TMCO4: variants seen among roughly 807,000 people sequenced by gnomAD.
TMCO4 encodes the protein transmembrane and coiled-coil domains 4, also known as transmembrane and coiled-coil domain-containing protein 4.
TMCO4 carries 58 observed loss-of-function variants against 64.7 expected under a neutral mutation model. The observed-to-expected ratio is 0.90, with a 90% CI of 0.73 to 1.12. The LOEUF is 1.12. TMCO4 is among the 50% of genes most tolerant of loss of function. The probability of loss-of-function intolerance (pLI) is 0.00; values close to 1 mark genes in which losing one functional copy is unlikely to be tolerated. For synonymous variants in TMCO4, 325 were observed against 346.1 expected, an observed-to-expected ratio of 0.94 and a Z score of 0.68; for missense variants, 780 against 825.9, an observed-to-expected ratio of 0.94 and a Z score of 0.68.
intron 15 of TMCO4, among the ~76,000 whole-genome samples, chr1:19,690,266 G>A (rs1019238105): frequency 6.6e-6 from 1 of 152,232 alleles, no homozygotes; most frequent in Non-Finnish European, 1.5e-5. Flanking sequence ...TGTCATACTG[G>A]CCTTTTGCCC....
At chr1:19,694,149 G>T (rs935631924) in intron 15 of TMCO4, among the ~76,000 whole-genome samples, 1 of 152,056 alleles carries the variant, frequency 6.6e-6, no homozygotes, top group Admixed American at 6.6e-5. Flanking sequence ...CTACAGGCAC[G>T]CACAACCATG....
chr1:19,739,813 T>A lies in TMCO4; in HGVS notation c.1179+11A>T, dbSNP rs576885219. ...GCTCAATGCCACGCCCACACAGCCA[T>A]TCCCAGGTACCTGCTGCCGGGAGAG... On this transcript the variant is annotated intron_variant, in intron 12 of 15. Coordinates refer to ENST00000294543, the MANE Select transcript of TMCO4 (RefSeq NM_181719.7). 17 of 1,611,630 alleles carry A rather than the reference T, an allele frequency of 1.1e-5. No homozygotes were observed. The South Asian group carries it at 1.7e-4, about 16-fold the overall frequency.
intron 10 of TMCO4, among the ~76,000 whole-genome samples, chr1:19,744,931 A>G (rs1322812380): frequency 6.6e-6 from 1 of 152,172 alleles, no homozygotes; most frequent in Non-Finnish European, 1.5e-5. Flanking sequence ...GACCTGGTTC[A>G]GTATATGACA....
At chr1:19,791,340 A>G (rs1005300479) in intron 2 of TMCO4, among the ~76,000 whole-genome samples, 1 of 152,054 alleles carries the variant, frequency 6.6e-6, no homozygotes, top group East Asian at 1.9e-4. Context: ...AAATTAAAAA[A>G]AAAAAGGAAA....
At chr1:19,798,728 GC>G (rs1571096606) in intron 1 of TMCO4, among the ~76,000 whole-genome samples, 1 of 152,184 alleles carries the variant, frequency 6.6e-6, no homozygotes, top group Non-Finnish European at 1.5e-5. Flanking sequence ...CCTGTGCCCA[GC>G]CCTCCCTCCC....
At position 19,732,638 on chromosome 1, in the gene TMCO4, C is replaced by G. The variant is rs988814665; in HGVS notation, c.1264+4734G>C. 2.0e-5 allele frequency among the ~76,000 whole-genome samples: 3 copies of G among 151,620 alleles called. No individual in the cohort carries two copies. The highest frequency in any genetic ancestry group is 2.9e-5 in the Non-Finnish European group (2 of 67,824). ...GGGCATGGTGGCTCATGCCTGTAAC[C>G]CCAGTGCTGTGGGAAGCTGAGGCAG... On this transcript the variant is annotated intron_variant, in intron 13 of 15. Coordinates refer to ENST00000294543, the MANE Select transcript of TMCO4 (RefSeq NM_181719.7). The surrounding 1 kb of genome is among the most constrained non-coding windows in gnomAD (Gnocchi z 4.8).
chr1:19,736,231 G>A (rs994783823), intron 13 of TMCO4, among the ~76,000 whole-genome samples: 24 of 152,200 alleles, frequency 1.6e-4, no homozygotes, highest in Admixed American at 4.6e-4. Context: ...AAGAGAACGC[G>A]TGCAGGGGAA....
intron 2 of TMCO4, among the ~76,000 whole-genome samples, chr1:19,790,493 G>A (rs899192603): frequency 6.6e-6 from 1 of 151,976 alleles, no homozygotes; most frequent in African/African-American, 2.4e-5. Flanking sequence ...TAAAAAGTGG[G>A]CAAAGTACAT....
At chr1:19,792,748 A>G (rs75748599) in intron 2 of TMCO4, among the ~76,000 whole-genome samples, 4,315 of 144,784 alleles carry the variant, frequency 0.03, 218 homozygotes, top group African/African-American at 0.1. Context: ...TGGAGCAGTC[A>G]GTGAAGGTCA....
At chr1:19,727,361 T>C (rs1229608647) in intron 13 of TMCO4, among the ~76,000 whole-genome samples, 3 of 152,168 alleles carry the variant, frequency 2.0e-5, no homozygotes, top group African/African-American at 4.8e-5. Context: ...AGGTGCTCCG[T>C]GGGATGACTG....
intron 6 of TMCO4, among the ~76,000 whole-genome samples, chr1:19,768,753 G>A (rs889793877): frequency 6.6e-6 from 1 of 152,096 alleles, no homozygotes; most frequent in East Asian, 1.9e-4. Flanking sequence ...TTAGAGCAGC[G>A]CTCCTCTAAG....
At position 19,746,617 on chromosome 1, in the gene TMCO4, G is replaced by C; in HGVS notation, c.614-18C>G. 1.3e-6 allele frequency: 2 copies of C among 1,593,568 alleles called. No individual in the cohort carries two copies. The highest frequency in any genetic ancestry group is 2.2e-5 in the South Asian group (2 of 89,330). On this transcript the variant is annotated intron_variant, in intron 8 of 15. Coordinates refer to ENST00000294543, the MANE Select transcript of TMCO4 (RefSeq NM_181719.7). ...AGTCACACCTGTGGGAAAAGCAGCA[G>C]TTTCAGGTGGGAGTAAAAATGTGGT...
intron 2 of TMCO4, among the ~76,000 whole-genome samples, chr1:19,797,036 G>C (rs753888828): frequency 5.3e-5 from 8 of 152,182 alleles, no homozygotes; most frequent in Admixed American, 2.6e-4. Flanking sequence ...TTCAATCCCT[G>C]TGTGCTGAAT....
intron 14 of TMCO4, among the ~76,000 whole-genome samples, chr1:19,697,059 A>AG (rs1323543959): frequency 6.6e-6 from 1 of 152,246 alleles, no homozygotes; most frequent in South Asian, 2.1e-4. Context: ...GCATTAACTG[A>AG]GGGGGGACAT....
rs141517316 is a variant in TMCO4 at position 19,780,583 on chromosome 1, T to C, written c.176A>G (p.His59Arg). The C allele has an allele frequency of 5.2e-4, 836 of 1,597,644 alleles. No homozygotes were observed. Among genetic ancestry groups the C allele is most frequent in the Non-Finnish European group, 6.6e-4 (778 of 1,172,732 alleles). ...SLSQLFPEPE[H>R]SSFCTEFMAG... ...ACTGCAAGACAGAAGAACTCACCTGTGTTCGGGTTCAGGAAATAACTGGGA... is the reference window on the plus strand; with the variant it reads ...ACTGCAAGACAGAAGAACTCACCTGCGTTCGGGTTCAGGAAATAACTGGGA... Residue 59 changes from histidine (H) to arginine (R), a missense_variant, in exon 4 of 16, where the codon CAC (histidine) becomes CGC (arginine). His to Arg is a conservative substitution (Grantham distance 29). Coordinates refer to ENST00000294543, the MANE Select transcript of TMCO4 (RefSeq NM_181719.7).
At chr1:19,753,930 G>A (rs1191939349) in intron 7 of TMCO4, among the ~76,000 whole-genome samples, 2 of 152,190 alleles carry the variant, frequency 1.3e-5, no homozygotes, top group East Asian at 1.9e-4. Flanking sequence ...AATTAGAACA[G>A]TATTGTTAAC....
intron 4 of TMCO4, among the ~76,000 whole-genome samples, chr1:19,772,441 G>A (rs2043028273): frequency 6.6e-6 from 1 of 152,178 alleles, no homozygotes; most frequent in Non-Finnish European, 1.5e-5. Flanking sequence ...CCCAGGGGAG[G>A]ATGGGATGGG....
intron 3 of TMCO4, 86 bp from the exon 4 acceptor site, chr1:19,780,852 AG>A: frequency 8.7e-7 from 1 of 1,146,480 alleles, no homozygotes; most frequent in African/African-American, 1.6e-5. Flanking sequence ...AAACCATAAA[AG>A]GTTGATAAAG....
At chr1:19,773,917 C>G (rs1557603981) in intron 4 of TMCO4, among the ~76,000 whole-genome samples, 1 of 152,134 alleles carries the variant, frequency 6.6e-6, no homozygotes, top group Non-Finnish European at 1.5e-5. Context: ...TGGGGGAGTC[C>G]TGGTTCCCCT....
Sources: allele counts gnomAD v4.1 joint callset (sites outside exome capture counted in the v4.1 genomes callset), GRCh38; gene constraint gnomAD v4.1.1; non-coding constraint Gnocchi (gnomAD v3.1); transcripts MANE v1.5; gene names NCBI Gene and HGNC (gene_info 2026-07-23, HGNC 2026-07-21).